PDE3A: variants seen among roughly 807,000 people sequenced by gnomAD.
PDE3A encodes cGMP-inhibited 3',5'-cyclic phosphodiesterase 3A.
In PDE3A, 43 loss-of-function variants were observed where a neutral mutation model predicts 98.3. The ratio of observed to expected loss-of-function variants is 0.44; its 90% CI spans 0.34 to 0.56. The LOEUF is 0.56. Among genes scored for constraint, PDE3A ranks in the 20% least tolerant of loss-of-function variants. The probability of loss-of-function intolerance (pLI) is 0.01; values close to 1 mark genes in which losing one functional copy is unlikely to be tolerated. For synonymous variants in PDE3A, 663 were observed against 567.9 expected (o/e 1.17, Z -2.38); for missense variants, 1,427 against 1,440.7 (o/e 0.99, Z 0.15).
chr12:20,392,266 G>T (rs1246551442), intron 1 of PDE3A, among the ~76,000 whole-genome samples: 2 of 151,890 alleles, frequency 1.3e-5, no homozygotes, highest in African/African-American at 2.4e-5. Context: ...ATAACTTCTG[G>T]TGATTTATGT....
At chr12:20,384,248 GA>G (rs1943710808) in intron 1 of PDE3A, among the ~76,000 whole-genome samples, 1 of 150,218 alleles carries the variant, frequency 6.7e-6, no homozygotes, top group Non-Finnish European at 1.5e-5. Flanking sequence ...ATACAAACTG[GA>G]GACCTGACAT....
At chr12:20,563,861 C>T (rs1049885505) in intron 2 of PDE3A, among the ~76,000 whole-genome samples, 1 of 152,060 alleles carries the variant, frequency 6.6e-6, no homozygotes. Context: ...AAATTTTATC[C>T]TTTAGTCAGT....
At chr12:20,641,031 T>C (rs578122098) in intron 10 of PDE3A, among the ~76,000 whole-genome samples, 10 of 152,252 alleles carry the variant, frequency 6.6e-5, no homozygotes, top group African/African-American at 2.4e-4. Flanking sequence ...AAATAATTAA[T>C]ACTAATAAAA....
intron 1 of PDE3A, among the ~76,000 whole-genome samples, chr12:20,416,916 A>G (rs1944429722): frequency 1.3e-5 from 2 of 152,266 alleles, no homozygotes; most frequent in African/African-American, 4.8e-5. Context: ...CTTTATATTC[A>G]AAGTACATAA....
intron 15 of PDE3A, among the ~76,000 whole-genome samples, chr12:20,670,598 A>G (rs1217880181): frequency 6.6e-6 from 1 of 151,902 alleles, no homozygotes; most frequent in Non-Finnish European, 1.5e-5. Flanking sequence ...CTGAATGACT[A>G]CTGGGTACAT....
intron 2 of PDE3A, among the ~76,000 whole-genome samples, chr12:20,612,453 G>C (rs1943883628): frequency 6.6e-6 from 1 of 150,792 alleles, no homozygotes; most frequent in Non-Finnish European, 1.5e-5. Context: ...CATTTAGTCA[G>C]ATACATTAGG....
chr12:20,635,775 A>C (rs2121513077), intron 8 of PDE3A, among the ~76,000 whole-genome samples: 1 of 151,580 alleles, frequency 6.6e-6, no homozygotes, highest in South Asian at 2.1e-4. Context: ...AAAAAAAGAA[A>C]TTAATCTCTG....
At chr12:20,379,365 T>C (rs1943624407) in intron 1 of PDE3A, among the ~76,000 whole-genome samples, 1 of 151,852 alleles carries the variant, frequency 6.6e-6, no homozygotes, top group African/African-American at 2.4e-5. Context: ...TTGGGAGTTA[T>C]TATTTCAGGG....
chr12:20,499,048 G>A (rs902162787), intron 1 of PDE3A, among the ~76,000 whole-genome samples: 2 of 152,142 alleles, frequency 1.3e-5, no homozygotes, highest in Admixed American at 1.3e-4. Context: ...TGGAAAGTAA[G>A]GATTAAAAAA....
At chr12:20,667,769 A>G (rs1479803564) in intron 15 of PDE3A, among the ~76,000 whole-genome samples, 1 of 152,106 alleles carries the variant, frequency 6.6e-6, no homozygotes, top group Non-Finnish European at 1.5e-5. Context: ...TTGGTTCCAT[A>G]GAGATTTTGG....
chr12:20,601,260 T>TTGTG (rs1474438504), intron 2 of PDE3A, among the ~76,000 whole-genome samples: 1 of 152,098 alleles, frequency 6.6e-6, no homozygotes, highest in African/African-American at 2.4e-5. Flanking sequence ...GTTTGTTTGT[T>TTGTG]TGTTTTTTGG....
intron 1 of PDE3A, among the ~76,000 whole-genome samples, chr12:20,443,333 G>A (rs913719894): frequency 2.0e-5 from 3 of 152,062 alleles, no homozygotes; most frequent in African/African-American, 7.2e-5. Context: ...GGATATAGGA[G>A]CTTGACTATC....
chr12:20,676,627 G>A (rs956325632), intron 15 of PDE3A, among the ~76,000 whole-genome samples: 4 of 151,404 alleles, frequency 2.6e-5, no homozygotes, highest in African/African-American at 9.7e-5. Context: ...AGCCTCCCGA[G>A]TAGCTGGGAC....
rs1944949874 is a variant in PDE3A, at chr12:20,652,743, T to C, written c.2926-1204T>C. 2.0e-5 allele frequency among the ~76,000 whole-genome samples: 3 copies of C among 152,210 alleles called. No homozygotes were observed. In the South Asian group the frequency reaches 6.2e-4, roughly 32 times the overall value. On this transcript the variant is annotated intron_variant, in intron 14 of 15. Coordinates refer to ENST00000359062, the MANE Select transcript of PDE3A (RefSeq NM_000921.5). ...AAACCCTAGAAGAAAACCTAGGCAA[T>C]ACCATTCAGGACATAGGCATGGGCA...
At chr12:20,515,968 G>A (rs181489375) in intron 1 of PDE3A, among the ~76,000 whole-genome samples, 87 of 150,768 alleles carry the variant, frequency 5.8e-4, no homozygotes, top group Admixed American at 1.4e-3. Context: ...TCCTGACCTC[G>A]TGATCCGCCC....
chr12:20,572,110 C>G (rs1348943864), intron 2 of PDE3A: 2 of 1,273,152 alleles, frequency 1.6e-6, no homozygotes, highest in South Asian at 2.6e-5. Flanking sequence ...TAAAGAACAT[C>G]TCATTACTGA....
chr12:20,497,607 CAAATAAAT>C lies in PDE3A; in HGVS notation c.961-59042_961-59035del, dbSNP rs562119491. ...GTGGCATTAGAAAGATATGTTAGTA[CAAATAAAT>C]AAATAAATAACTGATATAGTCAATA... On this transcript the variant is annotated intron_variant, in intron 1 of 15. Coordinates refer to ENST00000359062, the MANE Select transcript of PDE3A (RefSeq NM_000921.5). Among the ~76,000 whole-genome samples, 27 of 148,798 alleles carry C rather than the reference CAAATAAAT, an allele frequency of 1.8e-4. 1 individual carries two copies. In the South Asian group the frequency reaches 5.7e-3, roughly 31 times the overall value.
In PDE3A at chr12:20,614,520, T is replaced by C. The variant is rs1233332822; in HGVS notation, c.1269+820T>C. 2.0e-5 allele frequency among the ~76,000 whole-genome samples: 3 copies of C among 152,188 alleles called. 1 individual carries two copies. ...TCTTCTCTCAGGAATGTGATCTTCATAACTTTGTCAATAACATATTTACAT... is the reference window on the plus strand; with the variant it reads ...TCTTCTCTCAGGAATGTGATCTTCACAACTTTGTCAATAACATATTTACAT... On this transcript the variant is annotated intron_variant, in intron 3 of 15. Transcript: ENST00000359062.
At chr12:20,567,659 A>G (rs1942695416) in intron 2 of PDE3A, among the ~76,000 whole-genome samples, 1 of 151,378 alleles carries the variant, frequency 6.6e-6, no homozygotes, top group Non-Finnish European at 1.5e-5. Flanking sequence ...CTCTTATCAC[A>G]TGGAACTTTT....
Sources: gnomAD v4.1 joint callset for allele counts (sites outside exome capture counted in the v4.1 genomes callset) on GRCh38, gnomAD v4.1.1 for gene constraint, MANE v1.5 for transcripts, NCBI Gene and HGNC (gene_info 2026-07-23, HGNC 2026-07-21) for gene names.